FHIT: variants seen among roughly 807,000 people sequenced by gnomAD.
The protein encoded by FHIT is fragile histidine triad diadenosine triphosphatase.
FHIT carries 19 observed loss-of-function variants against 17.9 expected under a neutral mutation model. That is an observed-to-expected ratio of 1.06 (90% CI 0.74 to 1.56). The LOEUF is 1.56. FHIT is among the 40% of genes most tolerant of loss of function. FHIT has a pLI of 0.00. For synonymous variants in FHIT, 81 were observed against 69.7 expected (o/e 1.16, Z -0.81); for missense variants, 248 against 189.2 (o/e 1.31, Z -1.82).
chr3:60,656,517 C>T (rs2040119927), intron 4 of FHIT, among the ~76,000 whole-genome samples: 1 of 152,174 alleles, frequency 6.6e-6, no homozygotes, highest in South Asian at 2.1e-4. Flanking sequence ...TTCAAACGCA[C>T]ATCCTCCTCC....
At chr3:60,219,448 G>C (rs1262923826) in intron 5 of FHIT, among the ~76,000 whole-genome samples, 1 of 152,100 alleles carries the variant, frequency 6.6e-6, no homozygotes, top group Non-Finnish European at 1.5e-5. Context: ...TAAACAAAAG[G>C]TAGTTTGTAT....
intron 1 of FHIT, among the ~76,000 whole-genome samples, chr3:61,220,642 C>T (rs1472405121): frequency 2.6e-5 from 4 of 152,178 alleles, no homozygotes; most frequent in Admixed American, 1.3e-4. Context: ...ATACGGACCA[C>T]ATCTGTCTTG....
intron 5 of FHIT, among the ~76,000 whole-genome samples, chr3:60,258,360 C>T (rs779646056): frequency 3.7e-4 from 56 of 152,048 alleles, no homozygotes; most frequent in Admixed American, 3.3e-4. Context: ...CCTTGTTTAG[C>T]GGCCTCTCTA....
chr3:60,955,619 T>TATATAC (rs1709105124), intron 3 of FHIT, among the ~76,000 whole-genome samples: 16 of 13,706 alleles, frequency 1.2e-3, no homozygotes, highest in African/African-American at 1.8e-3. Flanking sequence ...TATATATATA[T>TATATAC]ATATATATAT....
intron 3 of FHIT, among the ~76,000 whole-genome samples, chr3:60,966,139 C>T (rs1007294066): frequency 1.5e-4 from 23 of 152,172 alleles, no homozygotes; most frequent in Admixed American, 6.5e-4. Context: ...TCAGCAATTG[C>T]GGACACCCCT....
chr3:60,189,176 T>G (rs1219093063), intron 5 of FHIT, among the ~76,000 whole-genome samples: 1 of 150,924 alleles, frequency 6.6e-6, no homozygotes, highest in Non-Finnish European at 1.5e-5. Context: ...CTTTTTTCTC[T>G]GACAAGTCAA....
At chr3:60,366,409 G>T (rs780769410) in intron 5 of FHIT, among the ~76,000 whole-genome samples, 1 of 152,190 alleles carries the variant, frequency 6.6e-6, no homozygotes, top group African/African-American at 2.4e-5. Flanking sequence ...ATAGGCATGA[G>T]GCACAGTGCC....
intron 3 of FHIT, among the ~76,000 whole-genome samples, chr3:60,957,134 G>T (rs945112933): frequency 6.6e-5 from 10 of 151,640 alleles, no homozygotes; most frequent in Non-Finnish European, 1.3e-4. Context: ...ATGTAGCTTT[G>T]TATGGGTTCA....
chr3:60,657,177 A>C (rs1166287095), intron 4 of FHIT, among the ~76,000 whole-genome samples: 1 of 152,148 alleles, frequency 6.6e-6, no homozygotes, highest in Non-Finnish European at 1.5e-5. Context: ...TAATAATTAG[A>C]AAGAGACAAA....
intron 5 of FHIT, among the ~76,000 whole-genome samples, chr3:60,312,950 A>G (rs370064532): frequency 1.5e-4 from 23 of 152,224 alleles, no homozygotes; most frequent in African/African-American, 5.5e-4. Flanking sequence ...GGTGTTCACA[A>G]TGACACGCAT....
intron 5 of FHIT, among the ~76,000 whole-genome samples, chr3:60,068,846 T>G (rs370601538): frequency 2.0e-5 from 3 of 152,144 alleles, no homozygotes; most frequent in Non-Finnish European, 4.4e-5. Context: ...AATTAGACGG[T>G]CCTAAGAATC....
intron 4 of FHIT, among the ~76,000 whole-genome samples, chr3:60,643,194 T>A (rs2039769324): frequency 6.6e-6 from 1 of 152,118 alleles, no homozygotes; most frequent in African/African-American, 2.4e-5. Context: ...CTAGAGACCA[T>A]CTACGTTTTT....
At chr3:60,519,809 A>G (rs1290099586) in intron 5 of FHIT, among the ~76,000 whole-genome samples, 1 of 152,166 alleles carries the variant, frequency 6.6e-6, no homozygotes, top group African/African-American at 2.4e-5. Context: ...TGTTAGTCCC[A>G]TGGTACTATT....
intron 5 of FHIT, among the ~76,000 whole-genome samples, chr3:60,487,852 T>G (rs2033905838): frequency 6.6e-6 from 1 of 152,212 alleles, no homozygotes; most frequent in Middle Eastern, 3.2e-3. Flanking sequence ...TATTCTGTTA[T>G]CTCAAAGATA....
At chr3:60,720,646 T>C (rs1553707808) in intron 4 of FHIT, among the ~76,000 whole-genome samples, 1 of 152,142 alleles carries the variant, frequency 6.6e-6, no homozygotes, top group Admixed American at 6.5e-5. Flanking sequence ...TCAGAATCTC[T>C]AGGTGGTGGG....
At chr3:60,025,122 G>T (rs987754509) in intron 5 of FHIT, among the ~76,000 whole-genome samples, 2 of 152,174 alleles carry the variant, frequency 1.3e-5, no homozygotes, top group Non-Finnish European at 2.9e-5. Context: ...ATGTAATTTT[G>T]AGATACGGTG....
intron 5 of FHIT, among the ~76,000 whole-genome samples, chr3:60,456,273 A>AT (rs1204979721): frequency 6.6e-6 from 1 of 152,246 alleles, no homozygotes; most frequent in East Asian, 1.9e-4. Context: ...CAACTCCCAG[A>AT]TATCTGAAAT....
At chr3:61,190,816 C>T (rs1181312459) in intron 2 of FHIT, among the ~76,000 whole-genome samples, 2 of 151,356 alleles carry the variant, frequency 1.3e-5, no homozygotes, top group Non-Finnish European at 2.9e-5. Context: ...TCATTCTCAG[C>T]AAACTATCAC....
chr3:59,851,389 T>C (rs1575588838), intron 8 of FHIT, among the ~76,000 whole-genome samples: 1 of 152,200 alleles, frequency 6.6e-6, no homozygotes, highest in Admixed American at 6.5e-5. Flanking sequence ...TTCATATCCA[T>C]TATTGTACTT....
Sources: allele counts gnomAD v4.1 joint callset (sites outside exome capture counted in the v4.1 genomes callset), GRCh38; gene constraint gnomAD v4.1.1; transcripts MANE v1.5; gene names NCBI Gene and HGNC (gene_info 2026-07-23, HGNC 2026-07-21).